Variants in RNF121 observed in about 807,000 individuals in gnomAD.
The protein encoded by RNF121 is E3 ubiquitin ligase RNF121.
In RNF121, 21 loss-of-function variants were observed where a neutral mutation model predicts 46.5. The ratio of observed to expected loss-of-function variants is 0.45; its 90% confidence interval spans 0.32 to 0.65. The LOEUF is 0.65. Among genes scored for constraint, RNF121 ranks in the 30% least tolerant of loss-of-function variants. The pLI is 0.04. For missense variants in RNF121, 346 were observed against 416.0 expected, an observed-to-expected ratio of 0.83 and a Z score of 1.46; for synonymous variants, 139 against 144.7, an observed-to-expected ratio of 0.96 and a Z score of 0.28.
At chr11:71,949,958 G>A (rs1262138617) in intron 1 of RNF121, among the ~76,000 whole-genome samples, 8 of 151,786 alleles carry the variant, frequency 5.3e-5, no homozygotes, top group South Asian at 2.1e-4. Flanking sequence ...CCAAGATTGC[G>A]CCAGTGCACT....
Position 71,994,829 on chromosome 11 carries a change from G to C in RNF121, c.738G>C (p.Thr246=). ...DVSEEGIIEN[T]YRLSCNHVFH... is the part of the protein sequence containing the mutation. ...GTGAAGAGGGGATCATTGAGAACAC[G>C]TATAGGCTGTCCTGCAATCATGTGT... The change falls in exon 7 of 9, where the codon ACG becomes ACC. Residue 246 remains threonine, a synonymous_variant. Transcript: ENST00000361756. The C allele has an allele frequency of 1.9e-6, 3 of 1,614,170 alleles. No individual in the cohort carries two copies. Among genetic ancestry groups the C allele is most frequent in the Non-Finnish European group, 2.5e-6 (3 of 1,180,024 alleles).
chr11:71,994,536 C>A (rs755487650), intron 6 of RNF121, among the ~76,000 whole-genome samples, 183 bp from the exon 7 acceptor site: 1 of 151,724 alleles, frequency 6.6e-6, no homozygotes, highest in Non-Finnish European at 1.5e-5. Context: ...AAGATGAGGT[C>A]GATTTGACTT....
chr11:71,982,310 T>C (rs1371050676), intron 3 of RNF121, among the ~76,000 whole-genome samples: 3 of 105,368 alleles, frequency 2.8e-5, no homozygotes, highest in Non-Finnish European at 5.2e-5. Flanking sequence ...CACTCCAACC[T>C]GGGCAACAGA....
chr11:71,945,150 G>A (rs954921412), intron 1 of RNF121, among the ~76,000 whole-genome samples: 19 of 151,974 alleles, frequency 1.3e-4, no homozygotes, highest in African/African-American at 4.3e-4. Flanking sequence ...ACCACACTTG[G>A]CTAATTTTTA....
Position 71,996,410 on chromosome 11 carries a change from T to C in RNF121, c.*95T>C, listed in dbSNP as rs1432171117. ...CAAAGACCTCCTGGGTGGGAAAGAC[T>C]CAAAGGGGTGCTTGGGCCACTCAGG... is the stretch of plus-strand genomic sequence containing the variant. On this transcript the variant is annotated 3_prime_UTR_variant, in exon 9 of 9. Coordinates refer to ENST00000361756, the MANE Select transcript of RNF121 (RefSeq NM_018320.5). 3.4e-6 allele frequency: 5 copies of C among 1,485,926 alleles called. No individual in the cohort carries two copies. The Admixed American group carries it at 1.0e-4, about 30-fold the overall frequency. 92.0% of individuals were successfully genotyped at this position (1,485,926 alleles called of 1,614,324 possible). A position where few individuals can be genotyped will look rare whatever the true frequency, so the allele number is the denominator to read the frequency against.
intron 1 of RNF121, among the ~76,000 whole-genome samples, chr11:71,942,803 T>TCCACAA (rs1554985396): frequency 1.4e-5 from 2 of 147,530 alleles, no homozygotes; most frequent in Non-Finnish European, 3.0e-5. Flanking sequence ...TATATATATG[T>TCCACAA]ACACACACAC....
At chr11:71,936,462 T>C (rs1430035094) in intron 1 of RNF121, among the ~76,000 whole-genome samples, 1 of 151,914 alleles carries the variant, frequency 6.6e-6, no homozygotes, top group African/African-American at 2.4e-5. Flanking sequence ...CGATCTCGGC[T>C]CACTGCAAGT....
chr11:71,957,331 T>G (rs899771991), intron 2 of RNF121, 67 bp downstream of exon 2: 49 of 1,041,058 alleles, frequency 4.7e-5, no homozygotes, highest in Non-Finnish European at 7.0e-5. Flanking sequence ...TTGAGTGATA[T>G]GTCTACCCAT....
At chr11:71,958,709 AAAT>A (rs1198253359) in intron 2 of RNF121, among the ~76,000 whole-genome samples, 1 of 152,172 alleles carries the variant, frequency 6.6e-6, no homozygotes, top group African/African-American at 2.4e-5. Flanking sequence ...CTCTCCAAAA[AAAT>A]AATATATGTA....
At chr11:71,984,500 T>C (rs1044451142) in intron 4 of RNF121, among the ~76,000 whole-genome samples, 3 of 152,036 alleles carry the variant, frequency 2.0e-5, no homozygotes, top group African/African-American at 7.3e-5. Context: ...CCAGGATGTC[T>C]CGATCTCCTG....
intron 1 of RNF121, among the ~76,000 whole-genome samples, chr11:71,940,088 TA>T: frequency 6.6e-6 from 1 of 152,306 alleles, no homozygotes; most frequent in East Asian, 1.9e-4. Context: ...TAGGCCAAGG[TA>T]AAAGCATATG....
At chr11:71,947,993 G>A (rs2134161522) in intron 1 of RNF121, among the ~76,000 whole-genome samples, 1 of 152,312 alleles carries the variant, frequency 6.6e-6, no homozygotes, top group Middle Eastern at 3.4e-3. Context: ...GGAGTTCATA[G>A]AGGATAGTTC....
intron 3 of RNF121, among the ~76,000 whole-genome samples, chr11:71,971,161 A>G (rs1161438270): frequency 6.6e-6 from 1 of 152,160 alleles, no homozygotes; most frequent in East Asian, 1.9e-4. Flanking sequence ...AGGGGGGCAG[A>G]TCACTTGAGC....
intron 1 of RNF121, among the ~76,000 whole-genome samples, chr11:71,949,681 C>T (rs1953816222): frequency 1.3e-5 from 2 of 152,002 alleles, no homozygotes; most frequent in African/African-American, 4.8e-5. Flanking sequence ...ACCTAGGTGA[C>T]AGAGTAAGAC....
chr11:71,929,170 G>T, intron 1 of RNF121, 46 bp downstream of exon 1: 2 of 1,538,530 alleles, frequency 1.3e-6, no homozygotes, highest in South Asian at 1.2e-5. Context: ...TGAGACTGAG[G>T]GGAGGGGCAG....
intron 1 of RNF121, among the ~76,000 whole-genome samples, chr11:71,931,726 C>T (rs1953281999): frequency 6.6e-6 from 1 of 151,926 alleles, no homozygotes; most frequent in Non-Finnish European, 1.5e-5. Context: ...AGAGATCAAG[C>T]ACTTGAGTCA....
chr11:71,967,965 G>C (rs1298309836), intron 3 of RNF121, among the ~76,000 whole-genome samples: 3 of 152,080 alleles, frequency 2.0e-5, no homozygotes, highest in Non-Finnish European at 4.4e-5. Flanking sequence ...TCAGGAATAA[G>C]CCTTCTGACA....
In RNF121 at chr11:71,929,098, G is replaced by T. The variant is rs1953195949; in HGVS notation, c.37G>T (p.Ala13Ser). The stretch of plus-strand genomic sequence containing the variant: ...GGTGGAGGTGGAGGTTGGAGGTGGT[G>T]CTGCTGGGGAACGGGAGCTGGATGA... ...AVVEVEVGGG[A>S]AGERELDEVD... The change falls in exon 1 of 9, where the codon GCT becomes TCT. Residue 13 changes from alanine to serine, a missense_variant. Around this residue, in one of 2 missense-constraint regions of RNF121, gnomAD observed 60 missense variants for 32.2 expected, o/e 1.86. Coordinates refer to ENST00000361756, the MANE Select transcript of RNF121 (RefSeq NM_018320.5). 6.4e-7 allele frequency: 1 copy of T among 1,551,804 alleles called. No homozygotes were observed. Among genetic ancestry groups the T allele is most frequent in the Non-Finnish European group, 8.7e-7 (1 of 1,147,082 alleles).
chr11:71,952,251 A>T (rs1031212246), intron 1 of RNF121, among the ~76,000 whole-genome samples: 6 of 152,224 alleles, frequency 3.9e-5, no homozygotes, highest in African/African-American at 7.2e-5. Flanking sequence ...CATTTATATG[A>T]ACTGTCTAGA....
Sources: allele counts gnomAD v4.1 joint callset (sites outside exome capture counted in the v4.1 genomes callset), GRCh38; gene constraint gnomAD v4.1.1; regional missense constraint gnomAD v4.1.1; transcripts MANE v1.5; gene names NCBI Gene and HGNC (gene_info 2026-07-23, HGNC 2026-07-21).